Variants in S100PBP observed in about 807,000 individuals in gnomAD.
S100PBP encodes S100P binding protein.
In S100PBP, 15 loss-of-function variants were observed where a neutral mutation model predicts 39.9. That is an observed-to-expected ratio of 0.38 (90% CI 0.25 to 0.58). The LOEUF (loss-of-function observed/expected upper bound fraction) is 0.58, where lower values mean the gene tolerates loss of function less well. S100PBP is among the 20% of genes least tolerant of loss of function. S100PBP has a pLI of 0.70. For missense variants in S100PBP, 504 were observed against 487.3 expected (o/e 1.03, Z -0.32); for synonymous variants, 178 against 180.3 (o/e 0.99, Z 0.10).
At chr1:32,822,859 A>G (rs1227029737) in intron 1 of S100PBP, among the ~76,000 whole-genome samples, 1 of 152,116 alleles carries the variant, frequency 6.6e-6, no homozygotes, top group Non-Finnish European at 1.5e-5. Context: ...TGGTCCTATT[A>G]AGGTGGCTTA....
chr1:32,841,139 C>T (rs1248159511), intron 5 of S100PBP, among the ~76,000 whole-genome samples: 1 of 145,272 alleles, frequency 6.9e-6, no homozygotes, highest in Non-Finnish European at 1.5e-5. Context: ...TCAGCCTGGG[C>T]GACAGAGCAA....
At position 32,826,362 on chromosome 1, in the gene S100PBP, G is replaced by T; in HGVS notation, c.263G>T (p.Ser88Ile). 1 of 1,613,806 alleles carries T rather than the reference G, an allele frequency of 6.2e-7. No individual in the cohort carries two copies. The highest frequency in any genetic ancestry group is 8.5e-7 in the Non-Finnish European group (1 of 1,179,720). The change falls in exon 3 of 7, where the codon AGT becomes ATT. Residue 88 changes from serine to isoleucine, a missense_variant. Ser to Ile is a moderately radical substitution (Grantham distance 142, BLOSUM62 -2). Transcript: ENST00000373475. ...GGHVEKGERG[S>I]QILLDTPREK... is the part of the protein sequence containing the mutation. ...CATGTTGAGAAGGGAGAAAGAGGGA[G>T]TCAAATTCTACTTGATACTCCCCGA...
rs113634276 is a variant in S100PBP, at chr1:32,850,446, T to C, written c.1025-2633T>C. Among the ~76,000 whole-genome samples, 1,077 of 152,348 alleles carry C rather than the reference T, an allele frequency of 7.1e-3. 14 individuals carry two copies. Among genetic ancestry groups the C allele is most frequent in the African/African-American group, 0.025 (1,019 of 41,572 alleles). On this transcript the variant is annotated intron_variant, in intron 5 of 6. Coordinates refer to ENST00000373475, the MANE Select transcript of S100PBP (RefSeq NM_022753.4). Reference sequence around the variant, plus strand: ...TTGAATTGAGACCTTTGATTTTAGCTTTACAAATCCAGCAGGTAAGGAATT... The same window carrying C: ...TTGAATTGAGACCTTTGATTTTAGCCTTACAAATCCAGCAGGTAAGGAATT...
At chr1:32,822,282 G>A (rs1639106415) in intron 1 of S100PBP, among the ~76,000 whole-genome samples, 2 of 152,102 alleles carry the variant, frequency 1.3e-5, no homozygotes, top group Admixed American at 1.3e-4. Flanking sequence ...TGTTACTTAT[G>A]TATATGTTTT....
At position 32,836,620 on chromosome 1, in the gene S100PBP, A is replaced by T. The variant is rs998506351; in HGVS notation, c.1024+6553A>T. 74 of 973,988 alleles carry T rather than the reference A, an allele frequency of 7.6e-5. No individual in the cohort carries two copies. In the African/African-American group the frequency reaches 1.3e-3, roughly 17 times the overall value. The allele number at this position is 973,988 out of a possible 1,614,324, so 60.3% of individuals were successfully genotyped here. A position where few individuals can be genotyped will look rare whatever the true frequency, so the allele number is the denominator to read the frequency against. On this transcript the variant is annotated intron_variant, in intron 5 of 6. Transcript: ENST00000373475. Reference sequence around the variant, plus strand: ...TTAATTGCTTCAGTTTCTTTCATTAAATTTTTTTTTTGGGAGAGCTTTTTC... The same window carrying T: ...TTAATTGCTTCAGTTTCTTTCATTATATTTTTTTTTTGGGAGAGCTTTTTC...
chr1:32,848,625 G>A (rs935007377), intron 5 of S100PBP, among the ~76,000 whole-genome samples: 4 of 152,212 alleles, frequency 2.6e-5, no homozygotes, highest in Non-Finnish European at 4.4e-5. Context: ...TTAGGGTCAT[G>A]TGGGTGGTAA....
intron 5 of S100PBP, among the ~76,000 whole-genome samples, chr1:32,840,677 G>A (rs1011694938): frequency 1.3e-5 from 2 of 151,994 alleles, no homozygotes; most frequent in Non-Finnish European, 1.5e-5. Flanking sequence ...TTTTCAATGG[G>A]AGTCATCCTA....
intron 5 of S100PBP, among the ~76,000 whole-genome samples, chr1:32,831,043 G>A (rs1639575139): frequency 6.7e-6 from 1 of 148,658 alleles, no homozygotes; most frequent in Non-Finnish European, 1.5e-5. Flanking sequence ...TCATGCCGTC[G>A]CACTTTAACA....
rs773512702 is a variant in S100PBP at position 32,826,202 on chromosome 1, GA to G, written c.104del (p.Asp35ValfsTer17). 1 of 1,614,156 alleles carries G rather than the reference GA, an allele frequency of 6.2e-7. No individual in the cohort carries two copies. Among genetic ancestry groups the G allele is most frequent in the Non-Finnish European group, 8.5e-7 (1 of 1,180,000 alleles). ...SWDSLDEDGLDDSLLELSEGE... is the reference protein window; with the variant it reads ...SWDSLDEDGLXDSLLELSEGE... The stretch of plus-strand genomic sequence containing the variant: ...GGATTCCTTGGATGAGGATGGATTG[GA>G]TGACTCCTTGCTGGAGCTGTCAGAG... On this transcript the variant is annotated frameshift_variant, in exon 3 of 7. Coordinates refer to ENST00000373475, the MANE Select transcript of S100PBP (RefSeq NM_022753.4). LOFTEE classifies it high-confidence loss of function.
At chr1:32,844,821 A>G (rs112690828) in intron 5 of S100PBP, among the ~76,000 whole-genome samples, 2 of 151,238 alleles carry the variant, frequency 1.3e-5, no homozygotes, top group South Asian at 2.1e-4. Context: ...ATATCTCTAT[A>G]TATCTATATA....
chr1:32,855,277 G>A lies in S100PBP; in HGVS notation c.1113-647G>A, dbSNP rs990767029. On this transcript the variant is annotated intron_variant, in intron 6 of 6. Transcript: ENST00000373475. ...TTTCTTTTTTTAAATTTTAGAATGC[G>A]TATCTTCAGAAAGCTTCCTAGATTA... is the stretch of plus-strand genomic sequence containing the variant. Among the ~76,000 whole-genome samples the A allele has an allele frequency of 5.3e-5, 8 of 152,014 alleles. No individual in the cohort carries two copies. The East Asian group carries it at 7.7e-4, about 15-fold the overall frequency.
At chr1:32,847,307 A>T (rs919441775) in intron 5 of S100PBP, 1 of 152,152 alleles carries the variant, frequency 6.6e-6, no homozygotes, top group Non-Finnish European at 1.5e-5. Flanking sequence ...TTTTGCCTTC[A>T]TTTAAAAAAC....
chr1:32,849,511 A>G (rs1420958545), intron 5 of S100PBP, among the ~76,000 whole-genome samples: 2 of 152,276 alleles, frequency 1.3e-5, no homozygotes, highest in East Asian at 3.8e-4. Flanking sequence ...CATGCAAAGC[A>G]GTTAGCAAAG....
rs56900503 is a variant in S100PBP, at chr1:32,824,827, C to CATATATATATATATATATATATATAT, written c.-119-467_-119-466insTATATATATATATATATATATATATA. 274 of 129,494 alleles carry CATATATATATATATATATATATATAT rather than the reference C, an allele frequency of 2.1e-3. 1 individual carries two copies. The highest frequency in any genetic ancestry group is 7.0e-3 in the African/African-American group (220 of 31,474). 8.0% of individuals were successfully genotyped at this position (129,494 alleles called of 1,614,324 possible). A position where few individuals can be genotyped will look rare whatever the true frequency, so the allele number is the denominator to read the frequency against. On this transcript the variant is annotated intron_variant, in intron 1 of 6. Coordinates refer to ENST00000373475, the MANE Select transcript of S100PBP (RefSeq NM_022753.4). ...TTTTTTTTTTTGCATTTTTTCTATA[C>CATATATATATATATATATATATATAT]ATATATATATATATATATAAAGATT...
At chr1:32,833,160 C>T (rs1316533201) in intron 5 of S100PBP, among the ~76,000 whole-genome samples, 1 of 152,000 alleles carries the variant, frequency 6.6e-6, no homozygotes, top group Non-Finnish European at 1.5e-5. Context: ...GCCAAGTGAC[C>T]GTTTAGCCTT....
At chr1:32,819,266 C>T (rs1277833348) in intron 1 of S100PBP, among the ~76,000 whole-genome samples, 2 of 152,034 alleles carry the variant, frequency 1.3e-5, no homozygotes, top group African/African-American at 4.8e-5. Context: ...AATATTCTTC[C>T]CTTAAAAATG....
chr1:32,846,150 C>T (rs115207743), intron 5 of S100PBP, among the ~76,000 whole-genome samples: 3,682 of 151,552 alleles, frequency 0.024, 47 homozygotes, highest in Non-Finnish European at 0.029. Flanking sequence ...CCACTACACC[C>T]GGCTTATTTT....
chr1:32,819,456 T>G (rs1166919610), intron 1 of S100PBP, among the ~76,000 whole-genome samples: 1 of 152,082 alleles, frequency 6.6e-6, no homozygotes, highest in African/African-American at 2.4e-5. Flanking sequence ...TCCCAGCTAC[T>G]GGGAGGCTGT....
At position 32,857,138 on chromosome 1, in the gene S100PBP, T is replaced by C. The variant is rs1339717025; in HGVS notation, c.*1100T>C. On this transcript the variant is annotated 3_prime_UTR_variant, in exon 7 of 7. Coordinates refer to ENST00000373475, the MANE Select transcript of S100PBP (RefSeq NM_022753.4). ...AGAGGTGTCTTTAGGCCCTGGATGT[T>C]ACCATCTCATTTGGTCAAGCCCCTG... is the stretch of plus-strand genomic sequence containing the variant. 3 of 152,200 alleles carry C rather than the reference T, an allele frequency of 2.0e-5. No homozygotes were observed. The highest frequency in any genetic ancestry group is 4.4e-5 in the Non-Finnish European group (3 of 68,030). The allele number at this position is 152,200 out of a possible 1,614,324, so 9.4% of individuals were successfully genotyped here.
Sources: gnomAD v4.1 joint callset for allele counts (sites outside exome capture counted in the v4.1 genomes callset) on GRCh38, gnomAD v4.1.1 for gene constraint, MANE v1.5 for transcripts, NCBI Gene and HGNC (gene_info 2026-07-23, HGNC 2026-07-21) for gene names.